The following PLA2G4A variants were observed in gnomAD, a reference collection of about 807,000 sequenced individuals.
PLA2G4A encodes the protein phospholipase A2 group IVA.
Under a neutral mutation model 81.9 loss-of-function variants are expected in PLA2G4A, and 40 were observed. The ratio of observed to expected loss-of-function variants is 0.49; its 90% CI spans 0.38 to 0.64. The LOEUF (loss-of-function observed/expected upper bound fraction) is 0.64. Among genes scored for constraint, PLA2G4A ranks in the 30% least tolerant of loss-of-function variants. PLA2G4A has a pLI of 0.00. For missense variants in PLA2G4A, 715 were observed against 905.1 expected (o/e 0.79, Z 2.69); for synonymous variants, 302 against 296.9 (o/e 1.02, Z -0.18).
chr1:186,970,666 C>A (rs1040314753), intron 15 of PLA2G4A, among the ~76,000 whole-genome samples: 6 of 151,958 alleles, frequency 3.9e-5, no homozygotes, highest in African/African-American at 1.4e-4. Flanking sequence ...AAGAGACTAT[C>A]CCTTCTCCAG....
chr1:186,842,767 G>C (rs1652034923), intron 1 of PLA2G4A, among the ~76,000 whole-genome samples: 1 of 152,134 alleles, frequency 6.6e-6, no homozygotes, highest in Non-Finnish European at 1.5e-5. Context: ...CTTTGATCTT[G>C]GACTTCCAAC....
intron 1 of PLA2G4A, among the ~76,000 whole-genome samples, chr1:186,834,254 C>T (rs1036605562): frequency 6.6e-6 from 1 of 151,864 alleles, no homozygotes; most frequent in Non-Finnish European, 1.5e-5. Flanking sequence ...TTTTCACAGG[C>T]TTTGTGGTTG....
At chr1:186,934,463 T>TACACACACAC (rs1553216897) in intron 8 of PLA2G4A, among the ~76,000 whole-genome samples, 31 of 143,480 alleles carry the variant, frequency 2.2e-4, no homozygotes, top group African/African-American at 6.6e-4. Flanking sequence ...TATATATATA[T>TACACACACAC]ACATACACAG....
At chr1:186,846,631 A>G (rs1652184622) in intron 1 of PLA2G4A, among the ~76,000 whole-genome samples, 1 of 152,140 alleles carries the variant, frequency 6.6e-6, no homozygotes, top group Non-Finnish European at 1.5e-5. Context: ...TTTTATATAC[A>G]TTCAATTTTA....
Position 186,956,153 on chromosome 1 carries a change from G to A in PLA2G4A, c.1388G>A (p.Ser463Asn). 1.2e-6 allele frequency: 2 copies of A among 1,613,274 alleles called. No homozygotes were observed. The highest frequency in any genetic ancestry group is 2.2e-5 in the South Asian group (2 of 91,064). Residue 463 changes from serine to asparagine, a missense_variant, in exon 14 of 18, where the codon AGT (serine) becomes AAT (asparagine). Physicochemically the swap from Ser to Asn is conservative, Grantham distance 46 (BLOSUM62 1). Coordinates refer to ENST00000367466, the MANE Select transcript of PLA2G4A (RefSeq NM_024420.3). Reference sequence around the variant, plus strand: ...GACTATCAAAGTGATAATCAAGCAAGTTGGATTCATCGTATGATAATGGCC... The same window carrying A: ...GACTATCAAAGTGATAATCAAGCAAATTGGATTCATCGTATGATAATGGCC... ...GSDYQSDNQA[S>N]WIHRMIMALV...
intron 5 of PLA2G4A, among the ~76,000 whole-genome samples, chr1:186,905,936 T>C (rs1654721224): frequency 1.3e-5 from 2 of 152,236 alleles, no homozygotes; most frequent in Admixed American, 1.3e-4. Flanking sequence ...GGAAACCTCC[T>C]TCTAGTCTGT....
At chr1:186,909,660 CA>C (rs377504921) in intron 6 of PLA2G4A, among the ~76,000 whole-genome samples, 2,955 of 112,876 alleles carry the variant, frequency 0.026, 61 homozygotes, top group African/African-American at 0.075. Context: ...AACTCCGTCT[CA>C]AAAAAAAAAA....
At chr1:186,935,245 A>G (rs1244452786) in intron 8 of PLA2G4A, among the ~76,000 whole-genome samples, 1 of 151,946 alleles carries the variant, frequency 6.6e-6, no homozygotes, top group Non-Finnish European at 1.5e-5. Context: ...ACTTTTAAAC[A>G]TGAGATTGTA....
intron 13 of PLA2G4A, among the ~76,000 whole-genome samples, chr1:186,952,720 TC>T (rs1288049244): frequency 7.2e-5 from 1 of 13,908 alleles, no homozygotes; most frequent in Admixed American, 5.6e-4. Flanking sequence ...CGTCCCCTCC[TC>T]CCCCAACCCC....
intron 10 of PLA2G4A, among the ~76,000 whole-genome samples, chr1:186,941,407 A>G (rs1656149664): frequency 6.6e-6 from 1 of 152,192 alleles, no homozygotes; most frequent in African/African-American, 2.4e-5. Context: ...CCATTCATTC[A>G]AATGTTTATT....
At chr1:186,980,841 TC>T (rs1180951464) in intron 17 of PLA2G4A, among the ~76,000 whole-genome samples, 5 of 152,204 alleles carry the variant, frequency 3.3e-5, no homozygotes, top group African/African-American at 7.2e-5. Context: ...ATTCTTTTTT[TC>T]AGCCTTCATT....
intron 3 of PLA2G4A, among the ~76,000 whole-genome samples, chr1:186,876,020 G>A (rs896262084): frequency 2.0e-5 from 3 of 152,160 alleles, no homozygotes; most frequent in Admixed American, 6.6e-5. Flanking sequence ...TTTCTTGTGG[G>A]GACTTGTGAA....
chr1:186,847,356 ACGTG>A (rs1455618155), intron 1 of PLA2G4A, among the ~76,000 whole-genome samples: 2 of 100,208 alleles, frequency 2.0e-5, no homozygotes, highest in African/African-American at 8.5e-5. Context: ...ATTATTTCAT[ACGTG>A]TGTGTGTGTG....
At chr1:186,857,096 A>ATT (rs1652586702) in intron 2 of PLA2G4A, among the ~76,000 whole-genome samples, 5 of 2,440 alleles carry the variant, frequency 2.0e-3, no homozygotes, top group African/African-American at 8.3e-3. Flanking sequence ...TATAATATAT[A>ATT]ATATAATTAT....
At position 186,965,504 on chromosome 1, in the gene PLA2G4A, C is replaced by T; in HGVS notation, c.1675C>T (p.Pro559Ser). Residue 559 changes from proline (P) to serine (S), a missense_variant, in exon 15 of 18, where the codon CCC becomes TCC. Transcript: ENST00000367466. ...DSGLTFNLPY[P>S]LILRPQRGVD... ...TGGGCTCACATTTAACCTGCCGTAT[C>T]CCTTGATACTGAGACCTCAGAGAGG... The T allele has an allele frequency of 6.2e-7, 1 of 1,611,606 alleles. No individual in the cohort carries two copies. Among genetic ancestry groups the T allele is most frequent in the Non-Finnish European group, 8.5e-7 (1 of 1,177,706 alleles).
chr1:186,836,529 GA>G (rs1197212586), intron 1 of PLA2G4A, among the ~76,000 whole-genome samples: 2 of 152,036 alleles, frequency 1.3e-5, no homozygotes, highest in Non-Finnish European at 2.9e-5. Context: ...GTAGGAGTAG[GA>G]AAATGCAATT....
chr1:186,879,561 C>T (rs550665555), intron 3 of PLA2G4A, among the ~76,000 whole-genome samples: 224 of 151,962 alleles, frequency 1.5e-3, no homozygotes, highest in Non-Finnish European at 2.7e-3. Context: ...ACTTATTAAC[C>T]ATGTGAACTT....
intron 14 of PLA2G4A, among the ~76,000 whole-genome samples, chr1:186,961,700 A>G (rs1656951298): frequency 6.6e-6 from 1 of 152,154 alleles, no homozygotes; most frequent in African/African-American, 2.4e-5. Flanking sequence ...AATATGAGAG[A>G]AATCATGTTT....
chr1:186,866,608 A>T (rs10752978), intron 2 of PLA2G4A, among the ~76,000 whole-genome samples: 128,423 of 152,116 alleles, frequency 0.84, 54,382 homozygotes, highest in African/African-American at 0.9. Context: ...TAACATTTAG[A>T]ATATGAATAT....
Sources: gnomAD v4.1 joint callset for allele counts (sites outside exome capture counted in the v4.1 genomes callset) on GRCh38, gnomAD v4.1.1 for gene constraint, MANE v1.5 for transcripts, NCBI Gene and HGNC (gene_info 2026-07-23, HGNC 2026-07-21) for gene names.